The following TBC1D25 variants were observed in gnomAD, a reference collection of about 807,000 sequenced individuals.
The protein encoded by TBC1D25 is TBC1 domain family member 25.
TBC1D25 carries 13 observed loss-of-function variants against 38.8 expected under a neutral mutation model. The ratio of observed to expected loss-of-function variants is 0.34; its 90% CI spans 0.22 to 0.53. TBC1D25 has a LOEUF of 0.53. Among genes scored for constraint, TBC1D25 ranks in the 20% least tolerant of loss-of-function variants. The pLI, the probability that TBC1D25 is intolerant of heterozygous loss-of-function variation, is 0.94. For synonymous variants in TBC1D25, 225 were observed against 255.6 expected, an observed-to-expected ratio of 0.88 and a Z score of 1.14; for missense variants, 372 against 600.0, an observed-to-expected ratio of 0.62 and a Z score of 3.97.
intron 2 of TBC1D25, among the ~76,000 whole-genome samples, chrX:48,543,238 TA>T (rs1214127160): frequency 9.1e-6 from 1 of 109,684 alleles, no homozygotes; most frequent in Non-Finnish European, 1.9e-5. Context: ...GTATTTGCTT[TA>T]AAAAAAATTT....
chrX:48,560,319 C>T lies in TBC1D25; in HGVS notation c.1411C>T (p.Leu471=). Residue 471 remains leucine (L), a synonymous_variant, in exon 6 of 6, where the codon CTG becomes TTG. Transcript: ENST00000376771. ...GTGGCCCGTGCGACAGAGGCACATG[C>T]TGAGGCCTGCTGGTGGAGGAGGTAG... ...RGWPVRQRHM[L]RPAGGGGSTF... is the part of the protein sequence containing the mutation. 1 of 1,211,656 alleles carries T rather than the reference C, an allele frequency of 8.3e-7. No homozygotes were observed. Among genetic ancestry groups the T allele is most frequent in the Non-Finnish European group, 1.1e-6 (1 of 895,508 alleles).
At chrX:48,549,142 C>T (rs1181020991) in intron 3 of TBC1D25, among the ~76,000 whole-genome samples, 1 of 112,760 alleles carries the variant, frequency 8.9e-6, no homozygotes, top group Non-Finnish European at 1.9e-5. Flanking sequence ...CTCAAGCTCT[C>T]CTCCTGCCTC....
rs1489198920 is a variant in TBC1D25 at position 48,539,734 on chromosome X, A to G, written c.-64A>G. ...GAGGTGGGGCGGCGGGCGTCAGTAC[A>G]GTAGAGTGTGCGCCGGGGTGGGGGG... is the stretch of plus-strand genomic sequence containing the variant. On this transcript the variant is annotated 5_prime_UTR_variant, in exon 1 of 6. Coordinates refer to ENST00000376771, the MANE Select transcript of TBC1D25 (RefSeq NM_002536.4). 1.7e-5 allele frequency: 16 copies of G among 931,348 alleles called. No individual in the cohort carries two copies. The highest frequency in any genetic ancestry group is 4.5e-4 in the Middle Eastern group (1 of 2,232). 76.8% of individuals were successfully genotyped at this position (931,348 alleles called of 1,213,427 possible).
Position 48,560,431 on chromosome X carries a change from A to G in TBC1D25, c.1523A>G (p.Asp508Gly), listed in dbSNP as rs1556985886. The G allele has an allele frequency of 8.3e-7, 1 of 1,210,616 alleles. No homozygotes were observed. Among genetic ancestry groups the G allele is most frequent in the East Asian group, 3.0e-5 (1 of 33,814 alleles). The change falls in exon 6 of 6, where the codon GAT becomes GGT. Residue 508 changes from aspartate to glycine, a missense_variant. Transcript: ENST00000376771. ...CGTCTCCTGAGACAGGCCAGCTTGG[A>G]TGGCCTCCAGCAACTCAGGGATAAC... ...GGRLLRQASL[D>G]GLQQLRDNMG...
At chrX:48,545,182 A>G (rs1400109338) in intron 3 of TBC1D25, among the ~76,000 whole-genome samples, 159 bp downstream of exon 3, 4 of 112,159 alleles carry the variant, frequency 3.6e-5, no homozygotes, top group Non-Finnish European at 7.5e-5. Flanking sequence ...CTTCACTTGT[A>G]AAGAGATAAT....
intron 3 of TBC1D25, among the ~76,000 whole-genome samples, chrX:48,551,349 T>C (rs1159057564): frequency 2.7e-5 from 3 of 111,509 alleles, no homozygotes; most frequent in Non-Finnish European, 3.8e-5. Flanking sequence ...GTTTGTTTGT[T>C]TTTTTGAGAC....
At chrX:48,541,304 G>A (rs781863513) in intron 1 of TBC1D25, 29 bp from the exon 2 acceptor site, 3 of 1,198,429 alleles carry the variant, frequency 2.5e-6, no homozygotes, top group Non-Finnish European at 3.4e-6. Flanking sequence ...GGGGCCCCTG[G>A]TGGCCTACCC....
At chrX:48,544,834 G>C (rs781901839) in intron 2 of TBC1D25, 35 bp from the exon 3 acceptor site, 4 of 1,205,180 alleles carry the variant, frequency 3.3e-6, no homozygotes, top group Non-Finnish European at 4.5e-6. Flanking sequence ...CAGGGCACCA[G>C]GGGCCCTGAG....
intron 3 of TBC1D25, among the ~76,000 whole-genome samples, chrX:48,556,790 T>C (rs1326277624): frequency 2.8e-5 from 3 of 106,694 alleles, no homozygotes; most frequent in Admixed American, 1.0e-4. Context: ...GACATTGCCA[T>C]TGTTGGCTTA....
chrX:48,557,457 A>G, intron 3 of TBC1D25, among the ~76,000 whole-genome samples: 1 of 110,772 alleles, frequency 9.0e-6, no homozygotes. Flanking sequence ...CAGCCTGACC[A>G]ACATGGAGAC....
chrX:48,546,523 TAAAATAA>T (rs1422174646), intron 3 of TBC1D25, among the ~76,000 whole-genome samples: 2 of 110,223 alleles, frequency 1.8e-5, no homozygotes, highest in East Asian at 2.8e-4. Flanking sequence ...AAAAAATAAA[TAAAATAA>T]AAAATAAAAA....
Position 48,560,820 on chromosome X carries a change from C to T in TBC1D25, c.1912C>T (p.Leu638=), listed in dbSNP as rs138165964. The T allele has an allele frequency of 1.4e-3, 1,749 of 1,211,417 alleles. 2 individuals carry two copies. The highest frequency in any genetic ancestry group is 1.8e-3 in the Non-Finnish European group (1,583 of 895,536). ...CCGCGACCACATCATGCGCAATGGG[C>T]TGGATTATAATGAGCTGGCCATGCA... is the stretch of plus-strand genomic sequence containing the variant. ...EHRDHIMRNG[L]DYNELAMHFD... The change falls in exon 6 of 6, where the codon CTG becomes TTG. Residue 638 remains leucine, a synonymous_variant. Coordinates refer to ENST00000376771, the MANE Select transcript of TBC1D25 (RefSeq NM_002536.4).
intron 3 of TBC1D25, among the ~76,000 whole-genome samples, chrX:48,550,958 C>T (rs2061927275): frequency 9.0e-6 from 1 of 111,512 alleles, no homozygotes; most frequent in African/African-American, 3.3e-5. Flanking sequence ...CGCGCCCAGC[C>T]TGTCTTAGCT....
intron 3 of TBC1D25, among the ~76,000 whole-genome samples, chrX:48,555,709 A>G (rs1230064956): frequency 1.8e-5 from 2 of 110,744 alleles, no homozygotes; most frequent in Non-Finnish European, 3.8e-5. Flanking sequence ...TTTATTGATC[A>G]CTATTTTTAC....
intron 3 of TBC1D25, among the ~76,000 whole-genome samples, chrX:48,555,759 G>A (rs2147189219): frequency 9.1e-6 from 1 of 109,797 alleles, no homozygotes; most frequent in South Asian, 4.0e-4. Context: ...ACAGAGTGTT[G>A]GTGGGGAGAA....
At position 48,560,747 on chromosome X, in the gene TBC1D25, G is replaced by A; in HGVS notation, c.1839G>A (p.Arg613=). ...MGLPPPQEFG[R]GNPFMLFLCL... ...TGCCCCCACCCCAGGAGTTTGGCCG[G>A]GGGAACCCATTCATGCTGTTCCTCT... is the stretch of plus-strand genomic sequence containing the variant. Residue 613 remains arginine, a synonymous_variant, in exon 6 of 6, where the codon CGG becomes CGA. Coordinates refer to ENST00000376771, the MANE Select transcript of TBC1D25 (RefSeq NM_002536.4). 1 of 1,211,542 alleles carries A rather than the reference G, an allele frequency of 8.3e-7. No homozygotes were observed. The highest frequency in any genetic ancestry group is 1.1e-6 in the Non-Finnish European group (1 of 895,201).
intron 3 of TBC1D25, among the ~76,000 whole-genome samples, chrX:48,557,182 C>T (rs1293907367): frequency 9.1e-6 from 1 of 109,966 alleles, no homozygotes; most frequent in African/African-American, 3.3e-5. Flanking sequence ...GAGCTATGAT[C>T]GCACCACTGC....
In TBC1D25 at chrX:48,559,607, TG is replaced by T. The variant is rs1265358814; in HGVS notation, c.706-4del. ...ACTCCAGCCTCATCCCTTTCACCCC[TG>T]GGCAGGTGGTGTGGCGGTACCTGCT... On this transcript the variant is annotated splice_polypyrimidine_tract_variant and splice_region_variant and intron_variant, in intron 5 of 5. Coordinates refer to ENST00000376771, the MANE Select transcript of TBC1D25 (RefSeq NM_002536.4). The T allele has an allele frequency of 8.3e-7, 1 of 1,203,425 alleles. No individual in the cohort carries two copies. Among genetic ancestry groups the T allele is most frequent in the Admixed American group, 2.2e-5 (1 of 45,373 alleles).
chrX:48,550,419 CTATT>C (rs1334209409), intron 3 of TBC1D25, among the ~76,000 whole-genome samples: 2 of 107,734 alleles, frequency 1.9e-5, no homozygotes, highest in Non-Finnish European at 3.9e-5. Context: ...CCAATGGGCT[CTATT>C]TGTCTACTGC....
Sources: allele counts gnomAD v4.1 joint callset (sites outside exome capture counted in the v4.1 genomes callset), GRCh38; gene constraint gnomAD v4.1.1; transcripts MANE v1.5; gene names NCBI Gene and HGNC (gene_info 2026-07-23, HGNC 2026-07-21).